CTNNA2: variants seen among roughly 807,000 people sequenced by gnomAD.
CTNNA2 encodes catenin alpha-2.
CTNNA2 carries 42 observed loss-of-function variants against 101.0 expected under a neutral mutation model. The observed-to-expected ratio is 0.42, with a 90% CI of 0.32 to 0.54. CTNNA2 has a LOEUF of 0.54. CTNNA2 is among the 20% of genes least tolerant of loss of function. The pLI, the probability that CTNNA2 is intolerant of heterozygous loss-of-function variation, is 0.14. For missense variants in CTNNA2, 871 were observed against 1,223.1 expected (o/e 0.71, Z 4.29); for synonymous variants, 450 against 456.4 (o/e 0.99, Z 0.18).
chr2:79,689,808 G>T (rs1684171982), intron 2 of CTNNA2, among the ~76,000 whole-genome samples: 1 of 151,900 alleles, frequency 6.6e-6, no homozygotes, highest in African/African-American at 2.4e-5. Flanking sequence ...TCCTAGAATT[G>T]AAAGTTATAA....
At chr2:79,186,595 A>T (rs917545049) in intron 1 of CTNNA2, among the ~76,000 whole-genome samples, 2 of 152,252 alleles carry the variant, frequency 1.3e-5, no homozygotes, top group Non-Finnish European at 2.9e-5. Context: ...ATTGTTAGGT[A>T]CAATGAAAGA....
intron 7 of CTNNA2, among the ~76,000 whole-genome samples, chr2:79,988,939 G>A (rs1691969019): frequency 6.6e-6 from 1 of 152,180 alleles, no homozygotes; most frequent in Admixed American, 6.5e-5. Flanking sequence ...TTCTTTTACT[G>A]TATAGCTTTT....
chr2:80,641,759 A>G (rs1366473099), intron 18 of CTNNA2, among the ~76,000 whole-genome samples: 1 of 134,174 alleles, frequency 7.5e-6, no homozygotes, highest in Non-Finnish European at 1.7e-5. Flanking sequence ...ATGACGTTAT[A>G]TCTTAGATTA....
chr2:79,486,750 T>G (rs1671162421), intron 4 of CTNNA2, among the ~76,000 whole-genome samples: 1 of 152,196 alleles, frequency 6.6e-6, no homozygotes, highest in African/African-American at 2.4e-5. Flanking sequence ...TTTCCTGACT[T>G]TTTAATGATC....
chr2:79,464,701 T>C (rs1010862204), intron 4 of CTNNA2, among the ~76,000 whole-genome samples: 2 of 152,214 alleles, frequency 1.3e-5, no homozygotes, highest in African/African-American at 4.8e-5. Flanking sequence ...TGGTATCTCA[T>C]TGTGGTTTTG....
intron 7 of CTNNA2, among the ~76,000 whole-genome samples, chr2:80,250,127 A>G (rs115097103): frequency 0.013 from 1,932 of 151,882 alleles, 38 homozygotes; most frequent in African/African-American, 0.043. Context: ...TTTTACAACT[A>G]TATTATTTCT....
intron 7 of CTNNA2, among the ~76,000 whole-genome samples, chr2:80,085,477 A>C (rs1464604612): frequency 6.6e-6 from 1 of 152,126 alleles, no homozygotes; most frequent in African/African-American, 2.4e-5. Context: ...CTTTCACTTC[A>C]GAGCACAAGA....
chr2:79,205,887 A>C (rs541110896), intron 2 of CTNNA2, among the ~76,000 whole-genome samples: 4 of 152,294 alleles, frequency 2.6e-5, no homozygotes, highest in African/African-American at 9.6e-5. Context: ...AGAGGAAGTA[A>C]TTTGTCTGAG....
intron 9 of CTNNA2, among the ~76,000 whole-genome samples, chr2:80,538,742 T>C (rs1691267677): frequency 6.6e-6 from 1 of 152,176 alleles, no homozygotes; most frequent in African/African-American, 2.4e-5. Flanking sequence ...TTTAAAGTAG[T>C]TTTTTCTAAT....
At chr2:80,287,151 A>G (rs1674839991) in intron 7 of CTNNA2, among the ~76,000 whole-genome samples, 1 of 152,166 alleles carries the variant, frequency 6.6e-6, no homozygotes, top group Admixed American at 6.5e-5. Flanking sequence ...AAAGCCTCAT[A>G]GCTGTCTTTA....
intron 7 of CTNNA2, among the ~76,000 whole-genome samples, chr2:80,026,060 GT>G (rs1360669311): frequency 1.3e-5 from 2 of 152,180 alleles, no homozygotes; most frequent in Non-Finnish European, 2.9e-5. Context: ...GCTGGGATAT[GT>G]TTGTAATTCA....
chr2:80,076,993 C>A (rs1275621107), intron 7 of CTNNA2, among the ~76,000 whole-genome samples: 1 of 152,054 alleles, frequency 6.6e-6, no homozygotes, highest in East Asian at 1.9e-4. Flanking sequence ...TTGCAGTGAG[C>A]CAAGATCACG....
rs1460506550 is a variant in CTNNA2, at chr2:79,930,346, AAG to A, written c.1056+20551_1056+20552del. Among the ~76,000 whole-genome samples the A allele has an allele frequency of 2.0e-4, 23 of 115,890 alleles. 1 individual carries two copies. Among genetic ancestry groups the A allele is most frequent in the Admixed American group, 1.0e-3 (12 of 11,892 alleles). 76.0% of individuals were successfully genotyped at this position (115,890 alleles called of 152,430 possible). On this transcript the variant is annotated intron_variant, in intron 7 of 18. Transcript: ENST00000402739. ...AAAGAAAGAAAGAAAGAAAGAAAGA[AAG>A]AAAGAAAGAATGAACACGGGTTCTA... is the stretch of plus-strand genomic sequence containing the variant.
intron 7 of CTNNA2, among the ~76,000 whole-genome samples, chr2:80,117,833 T>TAGTG (rs1178736495): frequency 6.6e-6 from 1 of 152,186 alleles, no homozygotes; most frequent in East Asian, 1.9e-4. Flanking sequence ...ATATTAGTAT[T>TAGTG]AGTGTTTGAC....
chr2:79,668,732 A>T (rs539016875), intron 2 of CTNNA2, among the ~76,000 whole-genome samples: 4 of 152,368 alleles, frequency 2.6e-5, no homozygotes, highest in African/African-American at 9.6e-5. Context: ...TGAGCAAAAA[A>T]TACCTGCTGT....
In CTNNA2 at chr2:79,427,583, T is replaced by C. The variant is rs1228850715; in HGVS notation, c.-135+53570T>C. Reference sequence around the variant, plus strand: ...TGTGATCTATGAAACCAACTGACCCTGAATCTTCCAGTCTCTAGGAACGTT... The same window carrying C: ...TGTGATCTATGAAACCAACTGACCCCGAATCTTCCAGTCTCTAGGAACGTT... On this transcript the variant is annotated intron_variant, in intron 4 of 21. Transcript: ENST00000466387. 2.6e-5 allele frequency among the ~76,000 whole-genome samples: 4 copies of C among 151,814 alleles called. No individual in the cohort carries two copies. The East Asian group carries it at 7.7e-4, about 29-fold the overall frequency.
intron 2 of CTNNA2, among the ~76,000 whole-genome samples, chr2:79,230,119 G>A (rs1052177709): frequency 2.0e-5 from 3 of 152,178 alleles, no homozygotes; most frequent in Admixed American, 6.5e-5. Context: ...AATTTAAGAC[G>A]GCTGCAGAAA....
At chr2:80,420,858 T>A (rs1399886490) in intron 9 of CTNNA2, among the ~76,000 whole-genome samples, 2 of 152,214 alleles carry the variant, frequency 1.3e-5, no homozygotes, top group East Asian at 3.9e-4. Flanking sequence ...GCCACAATAA[T>A]GGAAGCTTTG....
intron 16 of CTNNA2, among the ~76,000 whole-genome samples, chr2:80,607,585 T>A (rs1698136000): frequency 6.6e-6 from 1 of 152,046 alleles, no homozygotes; most frequent in East Asian, 1.9e-4. Context: ...CAAATCTGTT[T>A]TTCTTACAGT....
Sources: allele counts gnomAD v4.1 joint callset (sites outside exome capture counted in the v4.1 genomes callset), GRCh38; gene constraint gnomAD v4.1.1; transcripts MANE v1.5; gene names NCBI Gene and HGNC (gene_info 2026-07-23, HGNC 2026-07-21).